MICU2: variants seen among roughly 807,000 people sequenced by gnomAD.
The protein encoded by MICU2 is mitochondrial calcium uptake 2.
MICU2 carries 64 observed loss-of-function variants against 60.4 expected under a neutral mutation model. That is an observed-to-expected ratio of 1.06 (90% CI 0.87 to 1.31). The LOEUF (loss-of-function observed/expected upper bound fraction) is 1.31, where lower values mean the gene tolerates loss of function less well. MICU2 is among the 50% of genes most tolerant of loss of function. The pLI, the probability that MICU2 is intolerant of heterozygous loss-of-function variation, is 0.00. For synonymous variants in MICU2, 201 were observed against 175.0 expected (o/e 1.15, Z -1.17); for missense variants, 569 against 531.0 (o/e 1.07, Z -0.70).
chr13:21,496,652 C>G (rs1455160496), intron 9 of MICU2: 1 of 152,980 alleles, frequency 6.5e-6, no homozygotes, highest in Non-Finnish European at 1.5e-5. Flanking sequence ...CTCTCTAAGT[C>G]TTAGGTAAGT....
chr13:21,510,504 A>G (rs933421652), intron 7 of MICU2, among the ~76,000 whole-genome samples: 12 of 152,236 alleles, frequency 7.9e-5, no homozygotes, highest in African/African-American at 2.9e-4. Flanking sequence ...ATACTTGGAA[A>G]ACACTTGCTT....
chr13:21,592,228 A>G (rs1888599091), intron 1 of MICU2, among the ~76,000 whole-genome samples: 1 of 152,232 alleles, frequency 6.6e-6, no homozygotes, highest in African/African-American at 2.4e-5. Flanking sequence ...AGAAAATACT[A>G]TAAACACCTC....
intron 6 of MICU2, among the ~76,000 whole-genome samples, chr13:21,519,542 A>G (rs1392324992): frequency 6.6e-6 from 1 of 152,168 alleles, no homozygotes; most frequent in Non-Finnish European, 1.5e-5. Context: ...CATAAATGAA[A>G]CACTGCTCCC....
chr13:21,554,573 G>A (rs1331627585), intron 2 of MICU2, among the ~76,000 whole-genome samples: 1 of 152,048 alleles, frequency 6.6e-6, no homozygotes, highest in African/African-American at 2.4e-5. Context: ...GCCCACAAGA[G>A]AAAGCAGGAA....
At chr13:21,601,902 G>C (rs1888825472) in intron 1 of MICU2, among the ~76,000 whole-genome samples, 2 of 151,696 alleles carry the variant, frequency 1.3e-5, no homozygotes, top group African/African-American at 2.4e-5. Flanking sequence ...TCAGGAGATC[G>C]AGACCATCCT....
At chr13:21,591,978 C>A (rs1389826797) in intron 1 of MICU2, among the ~76,000 whole-genome samples, 7 of 151,162 alleles carry the variant, frequency 4.6e-5, no homozygotes, top group African/African-American at 7.3e-5. Flanking sequence ...CAAATTAATT[C>A]GAAAGTTAGC....
Position 21,540,438 on chromosome 13 carries a change from C to T in MICU2, c.359-750G>A, listed in dbSNP as rs544828059. On this transcript the variant is annotated intron_variant, in intron 2 of 11. Transcript: ENST00000382374. ...CTTTACTTATTGCTCTCAAAATTAT[C>T]TTGTCTATGAAGTTCCTTCAGCACA... is the stretch of plus-strand genomic sequence containing the variant. 2.0e-5 allele frequency among the ~76,000 whole-genome samples: 3 copies of T among 152,248 alleles called. No individual in the cohort carries two copies. The South Asian group carries it at 6.2e-4, about 32-fold the overall frequency.
Position 21,510,185 on chromosome 13 carries a change from T to C in MICU2, c.664-84A>G, listed in dbSNP as rs933304127. The C allele has an allele frequency of 7.6e-6, 5 of 656,826 alleles. No homozygotes were observed. The African/African-American group carries it at 9.6e-5, about 13-fold the overall frequency. The allele number at this position is 656,826 out of a possible 1,614,324, so 40.7% of individuals were successfully genotyped here. A position where few individuals can be genotyped will look rare whatever the true frequency, so the allele number is the denominator to read the frequency against. On this transcript the variant is annotated intron_variant, in intron 7 of 11. Coordinates refer to ENST00000382374, the MANE Select transcript of MICU2 (RefSeq NM_152726.3). Reference sequence around the variant, plus strand: ...GTAGAGTAGAAATCTTAGAATAATATCCAGAAAGGATTCTTCTTACAGCAA... The same window carrying C: ...GTAGAGTAGAAATCTTAGAATAATACCCAGAAAGGATTCTTCTTACAGCAA...
At chr13:21,497,949 C>T (rs565252767) in intron 9 of MICU2, among the ~76,000 whole-genome samples, 9 of 152,216 alleles carry the variant, frequency 5.9e-5, no homozygotes, top group Admixed American at 2.6e-4. Flanking sequence ...GAGACGAGAT[C>T]TCGCTATGTT....
chr13:21,508,414 A>G (rs904751956), intron 8 of MICU2, among the ~76,000 whole-genome samples: 5 of 152,202 alleles, frequency 3.3e-5, no homozygotes, highest in South Asian at 2.1e-4. Context: ...GTGAGCCACC[A>G]CACCCGGCCC....
chr13:21,521,302 A>T lies in MICU2; in HGVS notation c.540T>A (p.Ala180=). The stretch of plus-strand genomic sequence containing the variant: ...TACCATCTGTATCCAGCATTTTAAA[A>T]GCAACATGAAATCCAGAATGGGGTT... ...LTKPHSGFHV[A]FKMLDTDGNE... Residue 180 remains alanine, a synonymous_variant, in exon 6 of 12, where the codon GCT becomes GCA. Coordinates refer to ENST00000382374, the MANE Select transcript of MICU2 (RefSeq NM_152726.3). The T allele has an allele frequency of 6.2e-7, 1 of 1,610,264 alleles. No homozygotes were observed. Among genetic ancestry groups the T allele is most frequent in the Admixed American group, 1.7e-5 (1 of 58,934 alleles).
chr13:21,504,408 C>T (rs913977280), intron 8 of MICU2, among the ~76,000 whole-genome samples: 2 of 152,076 alleles, frequency 1.3e-5, no homozygotes, highest in Admixed American at 6.6e-5. Context: ...CGAGCCTCTA[C>T]CAGAGGCTGA....
At chr13:21,494,670 T>C (rs1452374845) in intron 11 of MICU2, among the ~76,000 whole-genome samples, 1 of 152,140 alleles carries the variant, frequency 6.6e-6, no homozygotes, top group Non-Finnish European at 1.5e-5. Flanking sequence ...TACATGTAGT[T>C]AGTCAAATCC....
At chr13:21,530,828 C>T in intron 4 of MICU2, 1 of 732,682 alleles carries the variant, frequency 1.4e-6, no homozygotes, top group Non-Finnish European at 2.4e-6. Flanking sequence ...AGCCGTGGTG[C>T]CCCCATGGAC....
At chr13:21,573,334 C>T (rs1234141177) in intron 1 of MICU2, among the ~76,000 whole-genome samples, 2 of 151,812 alleles carry the variant, frequency 1.3e-5, no homozygotes, top group East Asian at 1.9e-4. Context: ...AGTGCAGTGG[C>T]GCCATCTCGG....
intron 2 of MICU2, among the ~76,000 whole-genome samples, chr13:21,554,266 G>A (rs190378041): frequency 6.6e-6 from 1 of 152,164 alleles, no homozygotes; most frequent in Admixed American, 6.5e-5. Context: ...TTCCAAAATT[G>A]ACCACACAGT....
At chr13:21,562,874 G>A (rs1056733069) in intron 2 of MICU2, among the ~76,000 whole-genome samples, 11 of 151,698 alleles carry the variant, frequency 7.3e-5, no homozygotes, top group African/African-American at 1.9e-4. Context: ...CTGATATATC[G>A]TTTTCCTTCT....
chr13:21,499,382 C>T (rs370863959), intron 9 of MICU2, among the ~76,000 whole-genome samples: 14 of 151,634 alleles, frequency 9.2e-5, no homozygotes, highest in African/African-American at 3.1e-4. Flanking sequence ...AGGTAACTTA[C>T]TGTGCGAGAC....
intron 1 of MICU2, among the ~76,000 whole-genome samples, chr13:21,582,707 A>C (rs1888373312): frequency 6.6e-6 from 1 of 151,462 alleles, no homozygotes; most frequent in Admixed American, 6.6e-5. Context: ...CTCTGCCATA[A>C]GTGTTTTTCC....
Sources: allele counts gnomAD v4.1 joint callset (sites outside exome capture counted in the v4.1 genomes callset), GRCh38; gene constraint gnomAD v4.1.1; transcripts MANE v1.5; gene names NCBI Gene and HGNC (gene_info 2026-07-23, HGNC 2026-07-21).